CHRM3: variants seen among roughly 807,000 people sequenced by gnomAD.
CHRM3 encodes the protein cholinergic receptor muscarinic 3, also known as muscarinic acetylcholine receptor M3.
Under a neutral mutation model 41.8 loss-of-function variants are expected in CHRM3, and 11 were observed. The observed-to-expected ratio is 0.26, with a 90% CI of 0.17 to 0.44. The LOEUF is 0.44. CHRM3 is among the 20% of genes least tolerant of loss of function. CHRM3 has a pLI of 1.00. For missense variants in CHRM3, 571 were observed against 745.4 expected, an observed-to-expected ratio of 0.77 and a Z score of 2.72; for synonymous variants, 297 against 301.4, an observed-to-expected ratio of 0.99 and a Z score of 0.15.
chr1:239,451,072 A>G (rs1014496600), intron 1 of CHRM3, among the ~76,000 whole-genome samples: 1 of 152,058 alleles, frequency 6.6e-6, no homozygotes, highest in African/African-American at 2.4e-5. Flanking sequence ...TAATGTTAAA[A>G]TCTTAGCCAG....
At chr1:239,801,908 C>T (rs182120711) in intron 5 of CHRM3, among the ~76,000 whole-genome samples, 1 of 152,284 alleles carries the variant, frequency 6.6e-6, no homozygotes. Context: ...CAGATATGCA[C>T]TGAGCTCATC....
rs79281284 is a variant in CHRM3, at chr1:239,618,651, T to G, written c.-312-13573T>G. On this transcript the variant is annotated intron_variant, in intron 3 of 6. Coordinates refer to ENST00000676153, the MANE Select transcript of CHRM3 (RefSeq NM_001375978.1). The stretch of plus-strand genomic sequence containing the variant: ...CGAGGTCAGGAGATCGAGACCATCC[T>G]GGCTAACACGGTGAAACCCCGTCTC... Among the ~76,000 whole-genome samples the G allele has an allele frequency of 8.5e-4, 129 of 151,160 alleles. 1 individual carries two copies. The highest frequency in any genetic ancestry group is 1.4e-3 in the Non-Finnish European group (94 of 67,810).
intron 1 of CHRM3, among the ~76,000 whole-genome samples, chr1:239,452,943 G>A (rs1316416184): frequency 2.0e-5 from 3 of 152,134 alleles, no homozygotes; most frequent in Admixed American, 2.0e-4. Context: ...TGGGACTACA[G>A]GCACGCACCA....
chr1:239,435,167 C>T (rs894809522), intron 1 of CHRM3, among the ~76,000 whole-genome samples: 1 of 151,806 alleles, frequency 6.6e-6, no homozygotes, highest in African/African-American at 2.4e-5. Context: ...AAAGTTCTCC[C>T]ACAGCTGGGA....
intron 5 of CHRM3, among the ~76,000 whole-genome samples, chr1:239,781,204 C>A (rs1385270270): frequency 6.6e-6 from 1 of 152,244 alleles, no homozygotes; most frequent in Non-Finnish European, 1.5e-5. Flanking sequence ...GAGTAACTGA[C>A]ATCTGGACAA....
intron 5 of CHRM3, among the ~76,000 whole-genome samples, chr1:239,806,183 A>G (rs962711066): frequency 2.6e-5 from 4 of 152,172 alleles, no homozygotes; most frequent in Admixed American, 6.5e-5. Flanking sequence ...CCTTTTTCCC[A>G]GCTTTGAACA....
intron 5 of CHRM3, among the ~76,000 whole-genome samples, chr1:239,814,832 G>C (rs1259590860): frequency 6.6e-6 from 1 of 152,102 alleles, no homozygotes; most frequent in Non-Finnish European, 1.5e-5. Flanking sequence ...GCCCAGACTA[G>C]AGGGCAGTGA....
chr1:239,694,981 C>T (rs981910999), intron 5 of CHRM3, among the ~76,000 whole-genome samples: 29 of 150,946 alleles, frequency 1.9e-4, no homozygotes, highest in African/African-American at 6.6e-4. Flanking sequence ...AAAGATGGAA[C>T]TGATTATTGA....
intron 6 of CHRM3, among the ~76,000 whole-genome samples, chr1:239,865,442 A>G (rs368383781): frequency 3.3e-5 from 5 of 152,250 alleles, no homozygotes; most frequent in Admixed American, 6.5e-5. Flanking sequence ...TATAAATAAT[A>G]TGTAAATTCA....
At chr1:239,525,487 T>C (rs981683385) in intron 2 of CHRM3, among the ~76,000 whole-genome samples, 8 of 152,184 alleles carry the variant, frequency 5.3e-5, no homozygotes, top group Admixed American at 3.9e-4. Context: ...CTGTAAATCA[T>C]ACATAGTATG....
At chr1:239,404,413 AG>A (rs1660349109) in intron 1 of CHRM3, among the ~76,000 whole-genome samples, 1 of 48,632 alleles carries the variant, frequency 2.1e-5, no homozygotes, top group African/African-American at 7.8e-5. Context: ...AGAAAGAAAA[AG>A]AAAGAAAGAA....
intron 3 of CHRM3, among the ~76,000 whole-genome samples, chr1:239,564,138 G>GT (rs1212489624): frequency 6.6e-6 from 1 of 152,104 alleles, no homozygotes; most frequent in African/African-American, 2.4e-5. Flanking sequence ...ACAAATTTCT[G>GT]TTTATGTCAT....
chr1:239,521,026 T>A (rs1475703244), intron 2 of CHRM3, among the ~76,000 whole-genome samples: 1 of 152,202 alleles, frequency 6.6e-6, no homozygotes. Context: ...TGGCAGTGTG[T>A]GTAAAAATAG....
At chr1:239,589,565 A>T (rs1298907930) in intron 3 of CHRM3, among the ~76,000 whole-genome samples, 1 of 146,562 alleles carries the variant, frequency 6.8e-6, no homozygotes. Flanking sequence ...AATATGTGAA[A>T]TTTTTTCATG....
At chr1:239,408,482 C>T (rs990838504) in intron 1 of CHRM3, among the ~76,000 whole-genome samples, 5 of 145,156 alleles carry the variant, frequency 3.4e-5, no homozygotes, top group Admixed American at 7.1e-5. Context: ...CAAGATGGCG[C>T]CACTGCACTC....
intron 5 of CHRM3, among the ~76,000 whole-genome samples, chr1:239,755,224 T>G (rs1666145254): frequency 6.6e-6 from 1 of 152,176 alleles, no homozygotes; most frequent in Non-Finnish European, 1.5e-5. Context: ...TCAGGGATGT[T>G]GTGATCAACA....
chr1:239,828,012 C>G (rs1055444556), intron 6 of CHRM3, among the ~76,000 whole-genome samples: 1 of 152,102 alleles, frequency 6.6e-6, no homozygotes, highest in African/African-American at 2.4e-5. Flanking sequence ...ATTATTCATT[C>G]CTCATTCAAC....
intron 5 of CHRM3, among the ~76,000 whole-genome samples, chr1:239,768,071 C>T (rs1667364192): frequency 6.6e-6 from 1 of 152,144 alleles, no homozygotes; most frequent in African/African-American, 2.4e-5. Context: ...CAATAAAATG[C>T]TCCTATTCAA....
In CHRM3 at chr1:239,651,744, A is replaced by G. The variant is rs748542150; in HGVS notation, c.-250+19458A>G. On this transcript the variant is annotated intron_variant, in intron 4 of 6. Transcript: ENST00000676153. ...GACCCTACCCTTGTAGTAAGGGTTA[A>G]AAAGAAAAAGAGACAAGTTTTCCTC... Among the ~76,000 whole-genome samples the G allele has an allele frequency of 2.0e-5, 3 of 152,178 alleles. No individual in the cohort carries two copies. In the East Asian group the frequency reaches 5.8e-4, roughly 29 times the overall value.
Sources: allele counts gnomAD v4.1 joint callset (sites outside exome capture counted in the v4.1 genomes callset), GRCh38; gene constraint gnomAD v4.1.1; transcripts MANE v1.5; gene names NCBI Gene and HGNC (gene_info 2026-07-23, HGNC 2026-07-21).